USP30: variants seen among roughly 807,000 people sequenced by gnomAD.
USP30 encodes ubiquitin carboxyl-terminal hydrolase 30.
Under a neutral mutation model 68.2 loss-of-function variants are expected in USP30, and 41 were observed. That is an observed-to-expected ratio of 0.60 (90% confidence interval 0.47 to 0.78). The LOEUF (loss-of-function observed/expected upper bound fraction) is 0.78. Ranked by LOEUF, USP30 falls within the 30% of genes least tolerant of loss-of-function variation. The pLI is 0.00. For synonymous variants in USP30, 229 were observed against 253.7 expected (o/e 0.90, Z 0.93); for missense variants, 522 against 649.4 (o/e 0.80, Z 2.13).
intron 3 of USP30, among the ~76,000 whole-genome samples, chr12:109,030,385 C>G (rs1349373664): frequency 6.6e-6 from 1 of 152,060 alleles, no homozygotes; most frequent in Non-Finnish European, 1.5e-5. Flanking sequence ...TGTCAAACTC[C>G]CACTATAAGC....
In USP30 at chr12:109,082,754, A is replaced by T. The variant is rs1417958078; in HGVS notation, c.948+11A>T. The T allele has an allele frequency of 6.2e-7, 1 of 1,613,438 alleles. No individual in the cohort carries two copies. Among genetic ancestry groups the T allele is most frequent in the Non-Finnish European group, 8.5e-7 (1 of 1,179,648 alleles). ...TTAAAACTAGGGAAGGTGAGCCCAC[A>T]CTACACACCCTGTTGGCTTTGTTTT... On this transcript the variant is annotated intron_variant, in intron 10 of 12. Transcript: ENST00000257548.
intron 1 of USP30, among the ~76,000 whole-genome samples, chr12:109,024,106 G>A (rs547850970): frequency 5.9e-5 from 9 of 152,170 alleles, no homozygotes; most frequent in Non-Finnish European, 8.8e-5. Flanking sequence ...CTAACTTTCC[G>A]TGCTTGCATT....
intron 3 of USP30, among the ~76,000 whole-genome samples, chr12:109,067,223 C>T (rs2041284663): frequency 2.0e-5 from 3 of 150,124 alleles, no homozygotes; most frequent in Non-Finnish European, 2.9e-5. Context: ...ATGCCATTCT[C>T]CTGCCTCAGC....
intron 2 of USP30, 91 bp downstream of exon 2, chr12:109,056,882 A>C: frequency 1.2e-6 from 1 of 823,586 alleles, no homozygotes; most frequent in East Asian, 2.8e-5. Flanking sequence ...GAGGTTGGTC[A>C]TATTTGTTCT....
chr12:109,023,229 C>T (rs1025871622), intron 1 of USP30: 10 of 152,204 alleles, frequency 6.6e-5, no homozygotes, highest in African/African-American at 2.4e-4. Context: ...CTCTAGGGCT[C>T]TATGAATATT....
At chr12:109,058,205 A>T in intron 3 of USP30, 97 bp downstream of exon 3, 1 of 1,270,218 alleles carries the variant, frequency 7.9e-7, no homozygotes. Flanking sequence ...TTATTGTAGG[A>T]AAAGATCATA....
chr12:109,041,878 AAT>A (rs781373755), intron 3 of USP30, among the ~76,000 whole-genome samples: 3 of 152,142 alleles, frequency 2.0e-5, no homozygotes, highest in Non-Finnish European at 4.4e-5. Flanking sequence ...ACCAGAAAAA[AAT>A]AGTTTGAATT....
intron 3 of USP30, among the ~76,000 whole-genome samples, chr12:109,061,383 A>T (rs2041060038): frequency 7.0e-6 from 1 of 143,142 alleles, no homozygotes; most frequent in Admixed American, 7.5e-5. Context: ...CAATGTCTCT[A>T]ACTTTGGTTT....
intron 3 of USP30, among the ~76,000 whole-genome samples, chr12:109,031,738 T>C (rs940062427): frequency 1.1e-4 from 16 of 152,196 alleles, no homozygotes; most frequent in Non-Finnish European, 2.2e-4. Context: ...CTTAGTGAGA[T>C]AAGCCAGTAA....
At position 109,087,882 on chromosome 12, in the gene USP30, AAAGT is replaced by A. The variant is rs1177426149; in HGVS notation, c.*1957_*1960del. 2.8e-5 allele frequency: 5 copies of A among 176,660 alleles called. No individual in the cohort carries two copies. The highest frequency in any genetic ancestry group is 1.2e-4 in the African/African-American group (5 of 42,186). The allele number at this position is 176,660 out of a possible 1,614,324, so 10.9% of individuals were successfully genotyped here. A position where few individuals can be genotyped will look rare whatever the true frequency, so the allele number is the denominator to read the frequency against. On this transcript the variant is annotated 3_prime_UTR_variant, in exon 13 of 13. Coordinates refer to ENST00000257548, the MANE Select transcript of USP30 (RefSeq NM_032663.5). ...TAATCTGATTTCTAGTTTTATTTTC[AAAGT>A]AAGTAGCTTCTTTTGGGAAAAACCT...
At chr12:109,035,900 T>C (rs1195054848) in intron 3 of USP30, among the ~76,000 whole-genome samples, 1 of 152,174 alleles carries the variant, frequency 6.6e-6, no homozygotes, top group East Asian at 1.9e-4. Flanking sequence ...CAATGACTTA[T>C]GTCTGTAATC....
intron 6 of USP30, among the ~76,000 whole-genome samples, chr12:109,073,220 A>G (rs143154709): frequency 6.6e-6 from 1 of 152,362 alleles, no homozygotes; most frequent in African/African-American, 2.4e-5. Flanking sequence ...TACCCATTAT[A>G]CAGAAACCGT....
intron 3 of USP30, among the ~76,000 whole-genome samples, chr12:109,063,812 C>T (rs1284324807): frequency 6.6e-6 from 1 of 151,258 alleles, no homozygotes; most frequent in East Asian, 1.9e-4. Context: ...TGCTTATTGG[C>T]CATTTTGTCT....
rs1441661374 is a variant in USP30, at chr12:109,081,391, T to C, written c.778T>C (p.Trp260Arg). The change falls in exon 8 of 13, where the codon TGG (tryptophan) becomes CGG (arginine). Residue 260 changes from tryptophan (W) to arginine (R), a missense_variant and splice_region_variant. By Grantham distance (101) the Trp-to-Arg change is moderately radical. Coordinates refer to ENST00000257548, the MANE Select transcript of USP30 (RefSeq NM_032663.5). ...SLSLSIPAATWGHPLTLDHCL... is the reference protein window; with the variant it reads ...SLSLSIPAATRGHPLTLDHCL... ...TTCACTAAGTATTCCAGCCGCCACATGGGTATGTACTGATTTATGGTTTAT... is the reference window on the plus strand; with the variant it reads ...TTCACTAAGTATTCCAGCCGCCACACGGGTATGTACTGATTTATGGTTTAT... The C allele has an allele frequency of 2.5e-6, 4 of 1,614,104 alleles. No homozygotes were observed. Among genetic ancestry groups the C allele is most frequent in the Middle Eastern group, 3.3e-4 (2 of 6,062 alleles).
In USP30 at chr12:109,071,704, C is replaced by A. The variant is rs2041450163; in HGVS notation, c.573C>A (p.Ser191=). The change falls in exon 5 of 13, where the codon TCC becomes TCA. Residue 191 remains serine (S), a synonymous_variant. Transcript: ENST00000257548. Reference sequence around the variant, plus strand: ...TCACACATTTGTTTGATGTGCATTCCCTGGAGGTAAACCATTAATATTTCC... The same window carrying A: ...TCACACATTTGTTTGATGTGCATTCACTGGAGGTAAACCATTAATATTTCC... ...PRVTHLFDVH[S]LEQQSEITPK... 1 of 1,613,936 alleles carries A rather than the reference C, an allele frequency of 6.2e-7. No individual in the cohort carries two copies. The highest frequency in any genetic ancestry group is 1.3e-5 in the African/African-American group (1 of 75,018).
chr12:109,049,224 C>T (rs2040635337), upstream of USP30, among the ~76,000 whole-genome samples: 1 of 152,198 alleles, frequency 6.6e-6, no homozygotes, highest in Admixed American at 6.5e-5. Flanking sequence ...ACCTTCCTCA[C>T]TGAGCTTAAT....
chr12:109,081,623 G>GCACA lies in USP30; in HGVS notation c.780+267_780+270dup, dbSNP rs61164773. On this transcript the variant is annotated intron_variant, in intron 8 of 12. Transcript: ENST00000257548. ...TTTGAATACACACGCACGCATGCGC[G>GCACA]CACACACACACACACACACACACAC... 5.0e-3 allele frequency: 2,497 copies of GCACA among 500,108 alleles called. 4 individuals carry two copies. Among genetic ancestry groups the GCACA allele is most frequent in the South Asian group, 8.9e-3 (343 of 38,622 alleles). 31.0% of individuals were successfully genotyped at this position (500,108 alleles called of 1,614,324 possible).
At chr12:109,073,135 G>C (rs2041495965) in intron 6 of USP30, among the ~76,000 whole-genome samples, 1 of 152,084 alleles carries the variant, frequency 6.6e-6, no homozygotes, top group Non-Finnish European at 1.5e-5. Flanking sequence ...TCCTTCTTTT[G>C]ACATCTCAAA....
upstream of USP30, among the ~76,000 whole-genome samples, chr12:109,050,521 C>T (rs2040650221): frequency 1.3e-5 from 2 of 152,070 alleles, no homozygotes; most frequent in Admixed American, 6.6e-5. Context: ...TACAGGTATG[C>T]GACACCACCC....
Sources: gnomAD v4.1 joint callset for allele counts (sites outside exome capture counted in the v4.1 genomes callset) on GRCh38, gnomAD v4.1.1 for gene constraint, MANE v1.5 for transcripts, NCBI Gene and HGNC (gene_info 2026-07-23, HGNC 2026-07-21) for gene names.